Variants in XKR6 observed in about 807,000 individuals in gnomAD.
XKR6 encodes XK-related protein 6.
XKR6 carries 22 observed loss-of-function variants against 56.7 expected under a neutral mutation model. That is an observed-to-expected ratio of 0.39 (90% CI 0.28 to 0.55). The LOEUF is 0.55. XKR6 is among the 20% of genes least tolerant of loss of function. The probability of loss-of-function intolerance (pLI) is 0.66; values close to 1 mark genes in which losing one functional copy is unlikely to be tolerated. For synonymous variants in XKR6, 524 were observed against 387.8 expected (o/e 1.35, Z -4.13); for missense variants, 852 against 889.0 (o/e 0.96, Z 0.53).
At chr8:10,947,048 C>T (rs118104771) in intron 1 of XKR6, among the ~76,000 whole-genome samples, 4,262 of 152,140 alleles carry the variant, frequency 0.028, 58 homozygotes, top group Middle Eastern at 0.044. Context: ...AGGAGGCAGG[C>T]ATGGTGAGGA....
intron 1 of XKR6, among the ~76,000 whole-genome samples, chr8:11,190,862 G>T (rs570089528): frequency 3.3e-5 from 5 of 152,244 alleles, no homozygotes; most frequent in African/African-American, 1.2e-4. Context: ...TGTAAAATGG[G>T]CACAAAATGC....
intron 1 of XKR6, among the ~76,000 whole-genome samples, chr8:11,136,504 C>CAAAAA (rs34465755): frequency 9.0e-6 from 1 of 111,392 alleles, no homozygotes. Context: ...AACTCTGTCT[C>CAAAAA]AAAAAAAAAA....
intron 1 of XKR6, among the ~76,000 whole-genome samples, chr8:11,185,748 G>A (rs901702686): frequency 2.6e-5 from 4 of 152,094 alleles, no homozygotes; most frequent in Non-Finnish European, 5.9e-5. Context: ...TGGGCACATG[G>A]CTACAATACT....
intron 1 of XKR6, among the ~76,000 whole-genome samples, chr8:11,120,212 AG>A (rs1338832639): frequency 6.6e-6 from 1 of 152,210 alleles, no homozygotes; most frequent in Non-Finnish European, 1.5e-5. Flanking sequence ...AAGGAAATAA[AG>A]GGCATTCAAG....
chr8:11,078,255 G>A (rs904495742), intron 1 of XKR6, among the ~76,000 whole-genome samples: 5 of 152,168 alleles, frequency 3.3e-5, no homozygotes, highest in African/African-American at 4.8e-5. Flanking sequence ...TGTGTGCCCC[G>A]AGACTTTATC....
At chr8:11,087,746 G>A (rs900001014) in intron 1 of XKR6, among the ~76,000 whole-genome samples, 1 of 152,160 alleles carries the variant, frequency 6.6e-6, no homozygotes, top group Non-Finnish European at 1.5e-5. Context: ...AACTTCCTGG[G>A]GAGAGCCCAA....
At chr8:11,072,600 G>C (rs1481234465) in intron 1 of XKR6, among the ~76,000 whole-genome samples, 2 of 152,238 alleles carry the variant, frequency 1.3e-5, no homozygotes, top group African/African-American at 4.8e-5. Flanking sequence ...AGAAGGGAGA[G>C]AACTCCATGC....
chr8:10,901,025 T>G (rs1458918149), intron 2 of XKR6, among the ~76,000 whole-genome samples: 1 of 150,954 alleles, frequency 6.6e-6, no homozygotes, highest in African/African-American at 2.4e-5. Flanking sequence ...ATTTTTATTT[T>G]TATTTTTTGT....
At chr8:11,100,587 C>T (rs1037217124) in intron 1 of XKR6, among the ~76,000 whole-genome samples, 1 of 152,188 alleles carries the variant, frequency 6.6e-6, no homozygotes, top group African/African-American at 2.4e-5. Flanking sequence ...CAGACCACTT[C>T]CAGAAGGTGC....
chr8:10,922,942 GC>G (rs1800764211), intron 2 of XKR6, among the ~76,000 whole-genome samples: 1 of 152,168 alleles, frequency 6.6e-6, no homozygotes, highest in Non-Finnish European at 1.5e-5. Flanking sequence ...TCCTCTCTAG[GC>G]CACGGTTGCT....
intron 1 of XKR6, among the ~76,000 whole-genome samples, chr8:11,027,472 G>C (rs1390093230): frequency 6.6e-6 from 1 of 152,160 alleles, no homozygotes; most frequent in Non-Finnish European, 1.5e-5. Context: ...TGCAGATCTA[G>C]AGCATTCATA....
intron 1 of XKR6, among the ~76,000 whole-genome samples, chr8:11,147,389 G>T (rs1172810272): frequency 6.6e-6 from 1 of 152,168 alleles, no homozygotes; most frequent in African/African-American, 2.4e-5. Context: ...ATGGCGGCCA[G>T]GCGCGGTGGC....
chr8:11,187,899 A>G (rs1004673352), intron 1 of XKR6, among the ~76,000 whole-genome samples: 1 of 152,202 alleles, frequency 6.6e-6, no homozygotes, highest in African/African-American at 2.4e-5. Context: ...CAATCATCTG[A>G]GTATAATGCT....
chr8:10,956,192 C>G (rs1801882242), intron 1 of XKR6, among the ~76,000 whole-genome samples: 1 of 152,224 alleles, frequency 6.6e-6, no homozygotes, highest in Non-Finnish European at 1.5e-5. Context: ...CTGGGACCCT[C>G]TCTTCCTCTT....
rs190368503 is a variant in XKR6 at position 10,927,818 on chromosome 8, C to T, written c.765-2988G>A. Among the ~76,000 whole-genome samples, 8 of 152,252 alleles carry T rather than the reference C, an allele frequency of 5.3e-5. No individual in the cohort carries two copies. In the South Asian group the frequency reaches 1.2e-3, roughly 24 times the overall value. ...GTGGATGTAGGCAAAGAGGGTGCCA[C>T]TCCTCCCTGAGCCAATTAGCAAGCA... On this transcript the variant is annotated intron_variant, in intron 1 of 2. Transcript: ENST00000416569.
chr8:10,954,234 C>A (rs777072952), intron 1 of XKR6, among the ~76,000 whole-genome samples: 26 of 152,196 alleles, frequency 1.7e-4, no homozygotes, highest in Admixed American at 1.3e-4. Flanking sequence ...TTTGGAGGAA[C>A]CAGCAAGTTG....
At chr8:10,975,618 G>A (rs900078056) in intron 1 of XKR6, among the ~76,000 whole-genome samples, 3 of 152,206 alleles carry the variant, frequency 2.0e-5, no homozygotes, top group Admixed American at 6.5e-5. Flanking sequence ...TCCTCTCTGG[G>A]CTGGAGGAAA....
intron 1 of XKR6, among the ~76,000 whole-genome samples, chr8:11,120,676 GA>G (rs1469468514): frequency 6.6e-6 from 1 of 152,022 alleles, no homozygotes; most frequent in African/African-American, 2.4e-5. Context: ...CACAGAATTG[GA>G]AAAAACTACT....
intron 1 of XKR6, chr8:11,108,953 G>A (rs757530902): frequency 1.3e-5 from 2 of 152,202 alleles, no homozygotes; most frequent in South Asian, 2.1e-4. Context: ...CCATTGTTTC[G>A]GGCTCATTTT....
Sources: allele counts gnomAD v4.1 joint callset (sites outside exome capture counted in the v4.1 genomes callset), GRCh38; gene constraint gnomAD v4.1.1; transcripts MANE v1.5; gene names NCBI Gene and HGNC (gene_info 2026-07-23, HGNC 2026-07-21).